TRIM67: variants seen among roughly 807,000 people sequenced by gnomAD.
The protein encoded by TRIM67 is tripartite motif containing 67.
TRIM67 carries 39 observed loss-of-function variants against 71.0 expected under a neutral mutation model. The observed-to-expected ratio is 0.55, with a 90% CI of 0.43 to 0.72. TRIM67 has a LOEUF of 0.72. Ranked by LOEUF, TRIM67 falls within the 30% of genes least tolerant of loss-of-function variation. The probability of loss-of-function intolerance (pLI) is 0.00; values close to 1 mark genes in which losing one functional copy is unlikely to be tolerated. For synonymous variants in TRIM67, 481 were observed against 473.9 expected, an observed-to-expected ratio of 1.01 and a Z score of -0.19; for missense variants, 973 against 1,079.2, an observed-to-expected ratio of 0.90 and a Z score of 1.38.
intron 4 of TRIM67, 25 bp downstream of exon 4, chr1:231,200,283 A>T: frequency 6.7e-7 from 1 of 1,499,406 alleles, no homozygotes; most frequent in Non-Finnish European, 9.3e-7. Flanking sequence ...GGAAGACACA[A>T]AGTGGGCTTC....
chr1:231,211,441 G>C (rs1009241922), intron 8 of TRIM67, among the ~76,000 whole-genome samples: 3 of 152,154 alleles, frequency 2.0e-5, no homozygotes, highest in Admixed American at 1.3e-4. Flanking sequence ...GCTGACTGGG[G>C]GCCTGAGGCT....
Position 231,220,098 on chromosome 1 carries a change from G to A in TRIM67, c.*4658G>A. On this transcript the variant is annotated 3_prime_UTR_variant, in exon 10 of 10. Coordinates refer to ENST00000366653, the MANE Select transcript of TRIM67 (RefSeq NM_001004342.5). The stretch of plus-strand genomic sequence containing the variant: ...AGGATTATACAATAACATTTTTAAA[G>A]AAAAAAAGTGCAGTCTTTCATCTCT... 2.7e-5 allele frequency: 16 copies of A among 594,060 alleles called. No individual in the cohort carries two copies. The highest frequency in any genetic ancestry group is 2.2e-4 in the Admixed American group (7 of 31,918). The allele number at this position is 594,060 out of a possible 1,614,324, so 36.8% of individuals were successfully genotyped here.
At chr1:231,214,200 G>A (rs1035886098) in intron 9 of TRIM67, among the ~76,000 whole-genome samples, 10 of 152,188 alleles carry the variant, frequency 6.6e-5, no homozygotes, top group African/African-American at 9.7e-5. Context: ...TTCTGGAGAC[G>A]CAGACCTCAG....
Position 231,215,659 on chromosome 1 carries a change from C to A in TRIM67, c.*219C>A. ...CCACTGTCAGTGGCAAAGGAAGGTACGTGTGTCACCCTTATTCCACCCAGA... is the reference window on the plus strand; with the variant it reads ...CCACTGTCAGTGGCAAAGGAAGGTAAGTGTGTCACCCTTATTCCACCCAGA... On this transcript the variant is annotated 3_prime_UTR_variant, in exon 10 of 10. Transcript: ENST00000366653. 7.6e-7 allele frequency: 1 copy of A among 1,323,954 alleles called. No homozygotes were observed. The highest frequency in any genetic ancestry group is 2.2e-5 in the South Asian group (1 of 44,946). 82.0% of individuals were successfully genotyped at this position (1,323,954 alleles called of 1,614,324 possible).
At position 231,200,877 on chromosome 1, in the gene TRIM67, A is replaced by T. The variant is rs145536136; in HGVS notation, c.1375-481A>T. ...GGGAGCAGAACCACGGGTGTGATGC[A>T]GTCAAGTTTGGAGCAGAAGTTGCAG... On this transcript the variant is annotated intron_variant, in intron 4 of 9. Coordinates refer to ENST00000366653, the MANE Select transcript of TRIM67 (RefSeq NM_001004342.5). Among the ~76,000 whole-genome samples the T allele has an allele frequency of 4.7e-4, 71 of 152,314 alleles. 1 individual carries two copies. In the East Asian group the frequency reaches 0.012, roughly 26 times the overall value.
chr1:231,202,416 T>G (rs977421131), intron 5 of TRIM67, among the ~76,000 whole-genome samples: 1 of 152,114 alleles, frequency 6.6e-6, no homozygotes, highest in Non-Finnish European at 1.5e-5. Context: ...CAGTTTTCTC[T>G]GTCCCAAGAG....
In TRIM67 at chr1:231,219,070, TC is replaced by T. The variant is rs1268202606; in HGVS notation, c.*3633del. On this transcript the variant is annotated 3_prime_UTR_variant, in exon 10 of 10. Coordinates refer to ENST00000366653, the MANE Select transcript of TRIM67 (RefSeq NM_001004342.5). Reference sequence around the variant, plus strand: ...TCAGTGTCAAGGAGGCTGCTGCTGGTCCCATGGCCACCTGCTGGCTTTGAGG... The same window carrying T: ...TCAGTGTCAAGGAGGCTGCTGCTGGTCCATGGCCACCTGCTGGCTTTGAGG... 1.0e-6 allele frequency: 1 copy of T among 985,396 alleles called. No individual in the cohort carries two copies. The highest frequency in any genetic ancestry group is 1.7e-5 in the African/African-American group (1 of 57,232). The allele number at this position is 985,396 out of a possible 1,614,324, so 61.0% of individuals were successfully genotyped here.
chr1:231,194,858 A>AT (rs1248733382), intron 1 of TRIM67, among the ~76,000 whole-genome samples: 1 of 151,936 alleles, frequency 6.6e-6, no homozygotes, highest in Non-Finnish European at 1.5e-5. Context: ...AATTTTTAAA[A>AT]TTTTTTTATA....
intron 1 of TRIM67, among the ~76,000 whole-genome samples, chr1:231,177,423 G>A (rs1298212979): frequency 6.6e-6 from 1 of 152,186 alleles, no homozygotes; most frequent in East Asian, 1.9e-4. Context: ...CCCTGGCTTG[G>A]CTCAGCAAAT....
At chr1:231,191,446 C>G (rs1452336973) in intron 1 of TRIM67, among the ~76,000 whole-genome samples, 1 of 152,196 alleles carries the variant, frequency 6.6e-6, no homozygotes, top group African/African-American at 2.4e-5. Flanking sequence ...CAAAGCCGCT[C>G]TCCGCGGACT....
chr1:231,206,928 G>C, intron 7 of TRIM67, 138 bp downstream of exon 7: 2 of 906,044 alleles, frequency 2.2e-6, no homozygotes, highest in South Asian at 2.2e-5. Flanking sequence ...CTCCAAGGGC[G>C]TGCCCTTCTG....
Position 231,217,358 on chromosome 1 carries a change from G to C in TRIM67, c.*1918G>C, listed in dbSNP as rs1684040371. On this transcript the variant is annotated 3_prime_UTR_variant, in exon 10 of 10. Coordinates refer to ENST00000366653, the MANE Select transcript of TRIM67 (RefSeq NM_001004342.5). ...TTCTGGGTCTCCTCCTCCCATCCCA[G>C]AGCCCTGTCCAGAGCTCTTGGTGGT... is the stretch of plus-strand genomic sequence containing the variant. 3 of 986,114 alleles carry C rather than the reference G, an allele frequency of 3.0e-6. No homozygotes were observed. The highest frequency in any genetic ancestry group is 9.4e-5 in the South Asian group (2 of 21,314). The allele number at this position is 986,114 out of a possible 1,614,324, so 61.1% of individuals were successfully genotyped here. A position where few individuals can be genotyped will look rare whatever the true frequency, so the allele number is the denominator to read the frequency against.
chr1:231,167,904 A>G (rs528255200), intron 1 of TRIM67, among the ~76,000 whole-genome samples: 3 of 152,282 alleles, frequency 2.0e-5, no homozygotes, highest in Admixed American at 6.5e-5. Flanking sequence ...GACAAAGAAC[A>G]TGGAGTCATA....
intron 7 of TRIM67, among the ~76,000 whole-genome samples, chr1:231,208,165 T>C (rs1683764438): frequency 6.6e-6 from 1 of 150,608 alleles, no homozygotes; most frequent in South Asian, 2.1e-4. Context: ...CCCACCACCA[T>C]GTCCAGCGAA....
rs897808247 is a variant in TRIM67 at position 231,208,303 on chromosome 1, G to A, written c.1820-644G>A. Among the ~76,000 whole-genome samples the A allele has an allele frequency of 1.3e-4, 19 of 151,836 alleles. No homozygotes were observed. In the Middle Eastern group the frequency reaches 0.01, roughly 82 times the overall value. ...TTTCTCCTGCCTCAGCCTCCCGAGTGGCTGGGACTACAGGCACCTGCCACC... is the reference window on the plus strand; with the variant it reads ...TTTCTCCTGCCTCAGCCTCCCGAGTAGCTGGGACTACAGGCACCTGCCACC... On this transcript the variant is annotated intron_variant, in intron 7 of 9. Transcript: ENST00000366653.
intron 1 of TRIM67, among the ~76,000 whole-genome samples, chr1:231,188,224 G>A (rs112264263): frequency 4.6e-5 from 7 of 152,270 alleles, no homozygotes; most frequent in African/African-American, 1.4e-4. Flanking sequence ...AGGAGGTGGT[G>A]GTCAGTGTCA....
In TRIM67 at chr1:231,164,031, G is replaced by A. The variant is rs373512573; in HGVS notation, c.1044+18G>A. On this transcript the variant is annotated intron_variant, in intron 1 of 9. Coordinates refer to ENST00000366653, the MANE Select transcript of TRIM67 (RefSeq NM_001004342.5). ...AGCACAAGGTGAGCCCGCGGGACGC[G>A]GGAGTGCAGGTGCCAGGGAAGAGGG... 4.3e-5 allele frequency: 64 copies of A among 1,481,180 alleles called. No homozygotes were observed. The Admixed American group carries it at 1.1e-3, about 25-fold the overall frequency. 91.8% of individuals were successfully genotyped at this position (1,481,180 alleles called of 1,614,324 possible).
rs1418804569 is a variant in TRIM67 at position 231,209,719 on chromosome 1, G to A, written c.2123+469G>A. 3.9e-5 allele frequency among the ~76,000 whole-genome samples: 6 copies of A among 152,310 alleles called. No homozygotes were observed. The South Asian group carries it at 8.3e-4, about 21-fold the overall frequency. On this transcript the variant is annotated intron_variant, in intron 8 of 9. Transcript: ENST00000366653. This position sits in a 1 kb window ranked among gnomAD's most constrained non-coding sequence, Gnocchi z 4.1. ...CTGGTCTCATGTGGGCTTGAGCCTCGGCAGGGCCGGGCCCTTGACAGGGCA... is the reference window on the plus strand; with the variant it reads ...CTGGTCTCATGTGGGCTTGAGCCTCAGCAGGGCCGGGCCCTTGACAGGGCA...
At chr1:231,196,429 C>A (rs1683373439) in intron 1 of TRIM67, among the ~76,000 whole-genome samples, 1 of 151,928 alleles carries the variant, frequency 6.6e-6, no homozygotes, top group Admixed American at 6.6e-5. Context: ...GCAACACAGC[C>A]TCCGAGACAC....
Sources: gnomAD v4.1 joint callset for allele counts (sites outside exome capture counted in the v4.1 genomes callset) on GRCh38, gnomAD v4.1.1 for gene constraint, Gnocchi (gnomAD v3.1) non-coding constraint, MANE v1.5 for transcripts, NCBI Gene and HGNC (gene_info 2026-07-23, HGNC 2026-07-21) for gene names.